Variants in CNOT1 observed in about 807,000 individuals in gnomAD.
CNOT1 encodes the protein CCR4-associated factor 1.
CNOT1 carries 15 observed loss-of-function variants against 273.8 expected under a neutral mutation model. The ratio of observed to expected loss-of-function variants is 0.05; its 90% CI spans 0.04 to 0.08. The LOEUF (loss-of-function observed/expected upper bound fraction) is 0.08. Ranked by LOEUF, CNOT1 falls within the 10% of genes least tolerant of loss-of-function variation. The probability of loss-of-function intolerance (pLI) is 1.00; values close to 1 mark genes in which losing one functional copy is unlikely to be tolerated. For synonymous variants in CNOT1, 1,022 were observed against 1,005.5 expected (o/e 1.02, Z -0.31); for missense variants, 1,644 against 2,912.2 (o/e 0.56, Z 10.02).
At position 58,530,232 on chromosome 16, in the gene CNOT1, T is replaced by C. The variant is rs771699047; in HGVS notation, c.6279+14A>G. 5 of 1,558,528 alleles carry C rather than the reference T, an allele frequency of 3.2e-6. No individual in the cohort carries two copies. The South Asian group carries it at 4.7e-5, about 15-fold the overall frequency. On this transcript the variant is annotated intron_variant, in intron 43 of 48. Transcript: ENST00000317147. ...CTCAGTTATTTTAATTTATAATAAA[T>C]CCAAGTTAATTACCTTGTAGAGGAT...
At chr16:58,540,526 C>CT (rs1298702957) in intron 34 of CNOT1, among the ~76,000 whole-genome samples, 17 of 152,134 alleles carry the variant, frequency 1.1e-4, no homozygotes, top group Admixed American at 4.6e-4. Context: ...TGAGGAAAAA[C>CT]TGAGTTACCT....
At chr16:58,573,099 A>C (rs549891940) in intron 16 of CNOT1, among the ~76,000 whole-genome samples, 1 of 152,036 alleles carries the variant, frequency 6.6e-6, no homozygotes, top group East Asian at 1.9e-4. Flanking sequence ...TGAGGTCAGG[A>C]GTTTGAGACC....
At chr16:58,580,303 TAAAA>T (rs56040745) in intron 12 of CNOT1, among the ~76,000 whole-genome samples, 34 of 137,864 alleles carry the variant, frequency 2.5e-4, no homozygotes, top group African/African-American at 9.1e-4. Flanking sequence ...AACTTACAAA[TAAAA>T]AAAAAAAAAG....
At position 58,581,529 on chromosome 16, in the gene CNOT1, A is replaced by C. The variant is rs1343071585; in HGVS notation, c.1045-14T>G. On this transcript the variant is annotated splice_polypyrimidine_tract_variant and intron_variant, in intron 10 of 48. Transcript: ENST00000317147. Reference sequence around the variant, plus strand: ...CAAACTTGGATTCTAAAAAAGACCAAAGCAGTTTAAAATGTAATGAATGTG... The same window carrying C: ...CAAACTTGGATTCTAAAAAAGACCACAGCAGTTTAAAATGTAATGAATGTG... The C allele has an allele frequency of 6.2e-7, 1 of 1,602,096 alleles. No homozygotes were observed. Among genetic ancestry groups the C allele is most frequent in the Admixed American group, 1.7e-5 (1 of 57,864 alleles).
chr16:58,625,936 T>C (rs1264532750), intron 1 of CNOT1, among the ~76,000 whole-genome samples: 1 of 151,378 alleles, frequency 6.6e-6, no homozygotes, highest in Non-Finnish European at 1.5e-5. Flanking sequence ...CAAAGATTCA[T>C]CTTTAAAATT....
chr16:58,595,747 C>G (rs904983076), intron 2 of CNOT1, among the ~76,000 whole-genome samples: 3 of 152,110 alleles, frequency 2.0e-5, no homozygotes, highest in African/African-American at 7.2e-5. Context: ...CTAGGGGTGA[C>G]AGAGTCAGTG....
intron 40 of CNOT1, 170 bp from the exon 41 acceptor site, chr16:58,532,565 G>C (rs1196956901): frequency 1.9e-5 from 23 of 1,180,520 alleles, no homozygotes; most frequent in Admixed American, 5.8e-5. Context: ...AAATTGGTCT[G>C]ACTCCGCCTT....
chr16:58,629,611 C>G (rs1375701876), intron 1 of CNOT1, 117 bp downstream of exon 1: 1 of 152,842 alleles, frequency 6.5e-6, no homozygotes, highest in African/African-American at 2.4e-5. Flanking sequence ...CTCCCTAGAG[C>G]TCCGGGAAAC....
chr16:58,611,307 T>C (rs944571992), intron 1 of CNOT1, among the ~76,000 whole-genome samples: 3 of 151,858 alleles, frequency 2.0e-5, no homozygotes, highest in African/African-American at 7.3e-5. Flanking sequence ...TGTGCACCTG[T>C]AGTCCCAGAT....
At chr16:58,591,700 G>A (rs1175002960) in intron 2 of CNOT1, among the ~76,000 whole-genome samples, 2 of 151,358 alleles carry the variant, frequency 1.3e-5, no homozygotes, top group Non-Finnish European at 2.9e-5. Flanking sequence ...GTTGCAGTAA[G>A]CCAAGATCAT....
chr16:58,558,415 A>G, intron 18 of CNOT1, 58 bp downstream of exon 18: 1 of 1,604,076 alleles, frequency 6.2e-7, no homozygotes, highest in Non-Finnish European at 8.5e-7. Context: ...ACCAAACACT[A>G]AGGCATAACT....
chr16:58,611,262 C>A (rs1410465035), intron 1 of CNOT1, among the ~76,000 whole-genome samples: 1 of 149,984 alleles, frequency 6.7e-6, no homozygotes, highest in African/African-American at 2.5e-5. Context: ...AACCCTGTCT[C>A]TGCTAAAATA....
intron 25 of CNOT1, among the ~76,000 whole-genome samples, chr16:58,548,311 T>C (rs1006602726): frequency 3.9e-5 from 6 of 152,168 alleles, no homozygotes; most frequent in African/African-American, 7.2e-5. Context: ...AGAACTAACA[T>C]AGGAGAGTGT....
intron 31 of CNOT1, among the ~76,000 whole-genome samples, chr16:58,542,841 A>G (rs1051776741): frequency 6.6e-6 from 1 of 152,200 alleles, no homozygotes; most frequent in African/African-American, 2.4e-5. Context: ...CTCTAATCCC[A>G]GCACTTTGGG....
intron 47 of CNOT1, 97 bp downstream of exon 47, chr16:58,523,272 CG>C (rs1597390543): frequency 1.5e-6 from 2 of 1,310,932 alleles, no homozygotes; most frequent in African/African-American, 3.1e-5. Context: ...ACCAACCAAA[CG>C]GATTTTCACT....
chr16:58,560,327 G>C lies in CNOT1; in HGVS notation c.2015C>G (p.Thr672Ser), dbSNP rs917698690. The C allele has an allele frequency of 3.1e-6, 5 of 1,614,134 alleles. No individual in the cohort carries two copies. Among genetic ancestry groups the C allele is most frequent in the Non-Finnish European group, 4.2e-6 (5 of 1,180,022 alleles). The stretch of plus-strand genomic sequence containing the variant: ...AACATTACTGCAATTGGCTACCATG[G>C]TGAGGATAGTTTCTGATAGCTCCTG... ...VSQELSETIL[T>S]MVANCSNVMN... Residue 672 changes from threonine (T) to serine (S), a missense_variant, in exon 17 of 49, where the codon ACC becomes AGC. By Grantham distance (58) the Thr-to-Ser change is moderately conservative. Transcript: ENST00000317147.
At chr16:58,615,981 A>T (rs1309761545) in intron 1 of CNOT1, among the ~76,000 whole-genome samples, 2 of 121,078 alleles carry the variant, frequency 1.7e-5, no homozygotes, top group East Asian at 3.9e-4. Context: ...TAGCTACTAG[A>T]GAGGCTGAAG....
At chr16:58,545,286 T>C (rs2040221463) in intron 30 of CNOT1, 75 bp downstream of exon 30, 1 of 1,579,174 alleles carries the variant, frequency 6.3e-7, no homozygotes, top group African/African-American at 1.4e-5. Flanking sequence ...GGCAAAGAGC[T>C]GAAGAAAAGG....
Position 58,580,722 on chromosome 16 carries a change from G to A in CNOT1, c.1254C>T (p.Ile418=), listed in dbSNP as rs1342905295. ...GACAGGGATAGTCAGCAAAACAGAA[G>A]ATCTCTGGATTTATAAGGGAATGTT... The part of the protein sequence containing the change: ...FIQHSLINPE[I]FCFADYPCHT... Residue 418 remains isoleucine, a synonymous_variant, in exon 12 of 49, where the codon ATC becomes ATT. Coordinates refer to ENST00000317147, the MANE Select transcript of CNOT1 (RefSeq NM_016284.5). 1.2e-6 allele frequency: 2 copies of A among 1,613,152 alleles called. No homozygotes were observed. The highest frequency in any genetic ancestry group is 3.3e-5 in the Admixed American group (2 of 59,888).
Sources: gnomAD v4.1 joint callset for allele counts (sites outside exome capture counted in the v4.1 genomes callset) on GRCh38, gnomAD v4.1.1 for gene constraint, MANE v1.5 for transcripts, NCBI Gene and HGNC (gene_info 2026-07-23, HGNC 2026-07-21) for gene names.